The following HK1 variants were observed in gnomAD, a reference collection of about 807,000 sequenced individuals.
HK1 encodes the protein hexokinase-1.
In HK1, 28 loss-of-function variants were observed where a neutral mutation model predicts 91.6. The ratio of observed to expected loss-of-function variants is 0.31; its 90% CI spans 0.23 to 0.42. The LOEUF is 0.42. Ranked by LOEUF, HK1 falls within the 10% of genes least tolerant of loss-of-function variation. The pLI, the probability that HK1 is intolerant of heterozygous loss-of-function variation, is 1.00. For missense variants in HK1, 770 were observed against 1,219.8 expected, an observed-to-expected ratio of 0.63 and a Z score of 5.49; for synonymous variants, 430 against 468.1, an observed-to-expected ratio of 0.92 and a Z score of 1.05.
chr10:69,362,945 A>C (rs1337939159), intron 3 of HK1, among the ~76,000 whole-genome samples: 4 of 152,162 alleles, frequency 2.6e-5, no homozygotes, highest in African/African-American at 9.7e-5. Flanking sequence ...ATTAAAATTG[A>C]CCAGGCGTTC....
intron 17 of HK1, among the ~76,000 whole-genome samples, chr10:69,399,639 T>A (rs1840297253): frequency 6.6e-6 from 1 of 151,960 alleles, no homozygotes; most frequent in African/African-American, 2.4e-5. Flanking sequence ...GGGAGTGGCC[T>A]CCCTCTGGTC....
intron 16 of HK1, among the ~76,000 whole-genome samples, chr10:69,396,981 G>A (rs748227529): frequency 5.9e-5 from 9 of 152,124 alleles, no homozygotes; most frequent in Non-Finnish European, 1.0e-4. Context: ...CACCACGCCC[G>A]GCCATAATTT....
chr10:69,288,629 A>T (rs2132453394), intron 2 of HK1: 3 of 944,342 alleles, frequency 3.2e-6, no homozygotes, highest in Admixed American at 3.4e-5. Flanking sequence ...TGAGACCGAC[A>T]ATCCTCTGAC....
intron 1 of HK1, among the ~76,000 whole-genome samples, chr10:69,324,409 G>A (rs1847209162): frequency 6.6e-6 from 1 of 151,838 alleles, no homozygotes; most frequent in Non-Finnish European, 1.5e-5. Context: ...TGACCAACAT[G>A]GTGAAACCCC....
chr10:69,312,981 G>A (rs930332792), upstream of HK1, among the ~76,000 whole-genome samples: 24 of 152,176 alleles, frequency 1.6e-4, no homozygotes, highest in African/African-American at 5.1e-4. Flanking sequence ...GAAAGGTCAG[G>A]GCCTCTCTGA....
intron 5 of HK1, among the ~76,000 whole-genome samples, chr10:69,307,320 T>C (rs935874093): frequency 2.6e-5 from 4 of 152,224 alleles, no homozygotes; most frequent in Middle Eastern, 3.4e-3. Flanking sequence ...AACCCACTTA[T>C]AGCCCCTCTG....
intron 3 of HK1, among the ~76,000 whole-genome samples, chr10:69,294,088 C>T (rs1589445111): frequency 2.6e-5 from 4 of 152,046 alleles, no homozygotes; most frequent in Admixed American, 2.6e-4. Context: ...GTCTCGATCT[C>T]CTGACCTTGT....
rs1848418600 is a variant in HK1 at position 69,343,872 on chromosome 10, A to G, written c.109A>G (p.Ile37Val). 1 of 1,613,940 alleles carries G rather than the reference A, an allele frequency of 6.2e-7. No individual in the cohort carries two copies. ...CATGCGGCTCTCCGATGAAACTCTCATAGATATCATGACTCGCTTCAGGAA... is the reference window on the plus strand; with the variant it reads ...CATGCGGCTCTCCGATGAAACTCTCGTAGATATCATGACTCGCTTCAGGAA... ...YAMRLSDETL[I>V]DIMTRFRKEM... The change falls in exon 2 of 18, where the codon ATA becomes GTA. Residue 37 changes from isoleucine to valine, a missense_variant. Physicochemically the swap from Ile to Val is conservative, Grantham distance 29 (BLOSUM62 3). Coordinates refer to ENST00000359426, the MANE Select transcript of HK1 (RefSeq NM_000188.3).
At chr10:69,292,719 C>A (rs1160897152) in intron 3 of HK1, among the ~76,000 whole-genome samples, 1 of 152,116 alleles carries the variant, frequency 6.6e-6, no homozygotes. Context: ...TATTCGTATT[C>A]GTATTTTTCC....
chr10:69,322,890 CAAA>C (rs36022169), intron 1 of HK1, among the ~76,000 whole-genome samples: 1 of 114,416 alleles, frequency 8.7e-6, no homozygotes, highest in African/African-American at 3.3e-5. Flanking sequence ...AACTCCGTCT[CAAA>C]AAAAAAAAAA....
intron 1 of HK1, among the ~76,000 whole-genome samples, chr10:69,282,262 T>C (rs1205646785): frequency 6.6e-6 from 1 of 152,176 alleles, no homozygotes; most frequent in African/African-American, 2.4e-5. Flanking sequence ...CCATCTTCAA[T>C]ATCACCGTCC....
chr10:69,377,034 C>T lies in HK1; in HGVS notation c.976C>T (p.Pro326Ser). The T allele has an allele frequency of 6.2e-7, 1 of 1,614,156 alleles. No homozygotes were observed. Among genetic ancestry groups the T allele is most frequent in the Non-Finnish European group, 8.5e-7 (1 of 1,180,028 alleles). ...CCTCTTATTTGAAGGGCGGATCACC[C>T]CGGAGCTGCTCACCCGAGGGAAGTT... is the stretch of plus-strand genomic sequence containing the variant. ...EGLLFEGRIT[P>S]ELLTRGKFNT... is the part of the protein sequence containing the mutation. Residue 326 changes from proline (P) to serine (S), a missense_variant, in exon 8 of 18, where the codon CCG becomes TCG. Physicochemically the swap from Pro to Ser is moderately conservative, Grantham distance 74. Coordinates refer to ENST00000359426, the MANE Select transcript of HK1 (RefSeq NM_000188.3).
intron 12 of HK1, among the ~76,000 whole-genome samples, chr10:69,385,795 T>TTAAA: frequency 6.6e-6 from 1 of 152,236 alleles, no homozygotes; most frequent in Non-Finnish European, 1.5e-5. Context: ...TCTGTTTGTT[T>TTAAA]GTTTTTAAAG....
chr10:69,360,827 C>T (rs1194769197), intron 3 of HK1, among the ~76,000 whole-genome samples: 1 of 152,204 alleles, frequency 6.6e-6, no homozygotes, highest in Non-Finnish European at 1.5e-5. Flanking sequence ...CTAAGCCCGT[C>T]GTGGGGCAAG....
intron 9 of HK1, among the ~76,000 whole-genome samples, chr10:69,381,463 A>G (rs1839381229): frequency 6.6e-6 from 1 of 152,012 alleles, no homozygotes; most frequent in African/African-American, 2.4e-5. Flanking sequence ...TTTGGACAAG[A>G]AAGCCTAGGG....
intron 2 of HK1, among the ~76,000 whole-genome samples, chr10:69,283,772 C>G (rs1844879435): frequency 8.3e-6 from 1 of 121,120 alleles, no homozygotes; most frequent in Non-Finnish European, 1.6e-5. Flanking sequence ...GCATTCCAGC[C>G]TGGGTGACAG....
At chr10:69,381,780 C>T (rs989532017) in intron 9 of HK1, among the ~76,000 whole-genome samples, 15 of 152,300 alleles carry the variant, frequency 9.8e-5, no homozygotes, top group African/African-American at 3.6e-4. Context: ...TCTTGAACTC[C>T]TGACCTCAGG....
intron 4 of HK1, among the ~76,000 whole-genome samples, chr10:69,298,311 G>T (rs567277552): frequency 1.3e-5 from 2 of 151,940 alleles, no homozygotes; most frequent in East Asian, 3.9e-4. Flanking sequence ...TAGGCAAGTG[G>T]TTTTAAAAGA....
chr10:69,349,629 C>T (rs7072757), intron 2 of HK1, among the ~76,000 whole-genome samples: 2,124 of 152,260 alleles, frequency 0.014, 49 homozygotes, highest in African/African-American at 0.048. Context: ...TGTCTCACCC[C>T]CAACCCCTGA....
Sources: allele counts gnomAD v4.1 joint callset (sites outside exome capture counted in the v4.1 genomes callset), GRCh38; gene constraint gnomAD v4.1.1; transcripts MANE v1.5; gene names NCBI Gene and HGNC (gene_info 2026-07-23, HGNC 2026-07-21).